Variants in EYS observed in about 807,000 individuals in gnomAD.
The protein encoded by EYS is EGF-like photoreceptor maintenance factor.
EYS carries 250 observed loss-of-function variants against 282.1 expected under a neutral mutation model. The ratio of observed to expected loss-of-function variants is 0.89; its 90% confidence interval spans 0.80 to 0.98. The LOEUF (loss-of-function observed/expected upper bound fraction) is 0.98. EYS is among the 50% of genes least tolerant of loss of function. The pLI is 0.00. For missense variants in EYS, 4,016 were observed against 3,709.0 expected, an observed-to-expected ratio of 1.08 and a Z score of -2.15; for synonymous variants, 1,355 against 1,282.9, an observed-to-expected ratio of 1.06 and a Z score of -1.20.
intron 26 of EYS, among the ~76,000 whole-genome samples, chr6:64,542,894 T>C (rs565427704): frequency 6.6e-6 from 1 of 152,214 alleles, no homozygotes; most frequent in Admixed American, 6.5e-5. Context: ...TTCTGTTTCA[T>C]TTCTTATTTT....
At chr6:65,333,610 T>C (rs1446421237) in intron 11 of EYS, among the ~76,000 whole-genome samples, 1 of 151,616 alleles carries the variant, frequency 6.6e-6, no homozygotes, top group African/African-American at 2.4e-5. Context: ...CCAAGTGTTA[T>C]ATCTGCTATT....
rs897499177 is a variant in EYS, at chr6:63,788,258, G to A, written c.7579-9C>T. On this transcript the variant is annotated splice_polypyrimidine_tract_variant and intron_variant, in intron 38 of 42. Coordinates refer to ENST00000503581, the MANE Select transcript of EYS (RefSeq NM_001142800.2). ...TTTTTATGATCATCTACCTTCGAAA[G>A]GGAAAAAAAACCTATTAAAAAAGGA... is the stretch of plus-strand genomic sequence containing the variant. 4 of 1,518,294 alleles carry A rather than the reference G, an allele frequency of 2.6e-6. No homozygotes were observed. In the Admixed American group the frequency reaches 7.2e-5, roughly 27 times the overall value. The allele number at this position is 1,518,294 out of a possible 1,614,324, so 94.1% of individuals were successfully genotyped here.
intron 22 of EYS, among the ~76,000 whole-genome samples, chr6:64,736,587 C>T (rs1000813307): frequency 3.3e-5 from 5 of 152,132 alleles, no homozygotes; most frequent in Non-Finnish European, 7.4e-5. Flanking sequence ...GGCCCATTCT[C>T]GTAATTGTTA....
intron 12 of EYS, among the ~76,000 whole-genome samples, chr6:65,242,385 G>A (rs1195645238): frequency 2.0e-5 from 3 of 151,846 alleles, no homozygotes; most frequent in Non-Finnish European, 2.9e-5. Context: ...CCAATATGTT[G>A]TCTTTGTGAC....
intron 34 of EYS, among the ~76,000 whole-genome samples, chr6:63,990,774 G>A (rs1023914253): frequency 2.6e-5 from 4 of 151,520 alleles, no homozygotes; most frequent in African/African-American, 9.7e-5. Context: ...GAATGCTGAT[G>A]GGACCTGGCT....
chr6:63,956,292 G>A (rs1183374556), intron 35 of EYS, among the ~76,000 whole-genome samples: 1 of 152,048 alleles, frequency 6.6e-6, no homozygotes, highest in Non-Finnish European at 1.5e-5. Context: ...CCTTCTCCTA[G>A]CTCAGAAGCT....
At chr6:64,373,806 G>C (rs1236853559) in intron 29 of EYS, among the ~76,000 whole-genome samples, 1 of 152,140 alleles carries the variant, frequency 6.6e-6, no homozygotes, top group Non-Finnish European at 1.5e-5. Flanking sequence ...AGCTCTAGTA[G>C]GCTTTTCCCA....
chr6:65,177,047 C>T (rs769813294), intron 12 of EYS, among the ~76,000 whole-genome samples: 17 of 151,758 alleles, frequency 1.1e-4, no homozygotes, highest in African/African-American at 3.9e-4. Context: ...TAAAAAGTGT[C>T]TTAATGCCTG....
intron 12 of EYS, among the ~76,000 whole-genome samples, chr6:65,142,916 A>AT (rs1162892151): frequency 6.6e-6 from 1 of 152,078 alleles, no homozygotes; most frequent in African/African-American, 2.4e-5. Flanking sequence ...AATGAAGCAA[A>AT]TTAAGACATT....
At chr6:65,452,714 G>A (rs1296273765) in intron 5 of EYS, among the ~76,000 whole-genome samples, 2 of 152,072 alleles carry the variant, frequency 1.3e-5, no homozygotes, top group East Asian at 1.9e-4. Context: ...CCAGCCTGAG[G>A]GAACTATGTT....
chr6:64,761,031 A>T (rs1482284009), intron 22 of EYS, among the ~76,000 whole-genome samples: 1 of 152,182 alleles, frequency 6.6e-6, no homozygotes, highest in Non-Finnish European at 1.5e-5. Context: ...AAGTGACTGA[A>T]CATTTTTCTG....
At chr6:64,439,864 A>G (rs1189444603) in intron 26 of EYS, among the ~76,000 whole-genome samples, 1 of 151,914 alleles carries the variant, frequency 6.6e-6, no homozygotes, top group Non-Finnish European at 1.5e-5. Flanking sequence ...GATTTTCAGA[A>G]AAAAATGAAG....
chr6:64,034,990 C>A (rs1770040591), intron 33 of EYS, among the ~76,000 whole-genome samples: 1 of 152,126 alleles, frequency 6.6e-6, no homozygotes, highest in South Asian at 2.1e-4. Flanking sequence ...TGTTTATAAA[C>A]AGAGAATAGC....
chr6:64,911,659 C>A (rs1406319755), intron 16 of EYS, among the ~76,000 whole-genome samples: 1 of 152,080 alleles, frequency 6.6e-6, no homozygotes, highest in African/African-American at 2.4e-5. Context: ...AGTTTTGGGC[C>A]TCCAAACACA....
At chr6:65,184,368 T>C (rs773939763) in intron 12 of EYS, among the ~76,000 whole-genome samples, 5 of 151,764 alleles carry the variant, frequency 3.3e-5, no homozygotes, top group Non-Finnish European at 7.4e-5. Flanking sequence ...CTTACAACCA[T>C]GATAATGATA....
chr6:64,932,456 A>G (rs927468651), intron 15 of EYS, among the ~76,000 whole-genome samples: 4 of 152,076 alleles, frequency 2.6e-5, no homozygotes, highest in Non-Finnish European at 4.4e-5. Context: ...TGAGGCAATA[A>G]TTCCAGTTGA....
chr6:64,675,039 C>T (rs2149899022), intron 22 of EYS, among the ~76,000 whole-genome samples: 1 of 152,256 alleles, frequency 6.6e-6, no homozygotes, highest in Non-Finnish European at 1.5e-5. Flanking sequence ...CCCAAATCAA[C>T]ATGTCCAACA....
intron 36 of EYS, among the ~76,000 whole-genome samples, chr6:63,828,537 A>G (rs906107193): frequency 1.3e-5 from 2 of 152,182 alleles, no homozygotes; most frequent in African/African-American, 2.4e-5. Context: ...GAGAACAATA[A>G]CAAGCAGCGA....
chr6:64,660,188 A>C (rs539170998), intron 22 of EYS, among the ~76,000 whole-genome samples: 2 of 152,110 alleles, frequency 1.3e-5, no homozygotes, highest in Admixed American at 6.5e-5. Context: ...ATTCAACAAC[A>C]CTTCATGCTA....
Sources: allele counts gnomAD v4.1 joint callset (sites outside exome capture counted in the v4.1 genomes callset), GRCh38; gene constraint gnomAD v4.1.1; transcripts MANE v1.5; gene names NCBI Gene and HGNC (gene_info 2026-07-23, HGNC 2026-07-21).